Variants in SKAP1 observed in about 807,000 individuals in gnomAD.
SKAP1 encodes src kinase associated phosphoprotein 1, also known as src kinase-associated phosphoprotein 1.
A neutral mutation model predicts 58.5 loss-of-function variants in SKAP1; 44 were observed. The observed-to-expected ratio is 0.75, with a 90% CI of 0.59 to 0.97. The LOEUF (loss-of-function observed/expected upper bound fraction) is 0.97, where lower values mean the gene tolerates loss of function less well. SKAP1 is among the 50% of genes least tolerant of loss of function. The pLI is 0.00. For synonymous variants in SKAP1, 127 were observed against 149.7 expected (o/e 0.85, Z 1.11); for missense variants, 390 against 435.2 (o/e 0.90, Z 0.92).
the SKAP1 span, among the ~76,000 whole-genome samples, chr17:48,437,982 G>A: frequency 6.6e-6 from 1 of 151,910 alleles, no homozygotes; most frequent in Non-Finnish European, 1.5e-5. Context: ...TGTTGAAATG[G>A]CTTCTAACCC....
intron 4 of SKAP1, among the ~76,000 whole-genome samples, chr17:48,225,082 C>A (rs2065052002): frequency 6.6e-6 from 1 of 152,148 alleles, no homozygotes; most frequent in Non-Finnish European, 1.5e-5. Context: ...CTGGTTCATT[C>A]ATGGTAAAGT....
chr17:48,381,503 C>T (rs1017550094), intron 2 of SKAP1, among the ~76,000 whole-genome samples: 6 of 152,168 alleles, frequency 3.9e-5, no homozygotes, highest in Non-Finnish European at 4.4e-5. Flanking sequence ...TTCTCAAGCC[C>T]ACCAGAAGGG....
intron 4 of SKAP1, among the ~76,000 whole-genome samples, chr17:48,258,546 G>T (rs767330212): frequency 2.0e-5 from 3 of 152,056 alleles, no homozygotes; most frequent in African/African-American, 7.2e-5. Context: ...TACTGGTGCC[G>T]TTAAGGAAAC....
At chr17:48,368,200 C>G (rs1385289170) in intron 2 of SKAP1, among the ~76,000 whole-genome samples, 2 of 152,276 alleles carry the variant, frequency 1.3e-5, no homozygotes, top group East Asian at 3.9e-4. Context: ...ACAGATTAGT[C>G]CCTGCTGGAC....
At chr17:48,266,318 G>A (rs1213265089) in intron 4 of SKAP1, among the ~76,000 whole-genome samples, 1 of 152,134 alleles carries the variant, frequency 6.6e-6, no homozygotes, top group Non-Finnish European at 1.5e-5. Context: ...TCAGAAAGGA[G>A]CTCCTTTATT....
intron 4 of SKAP1, among the ~76,000 whole-genome samples, chr17:48,328,268 T>G (rs1256888809): frequency 6.6e-6 from 1 of 152,226 alleles, no homozygotes; most frequent in African/African-American, 2.4e-5. Flanking sequence ...GTGTACAAAT[T>G]CGTGACAGCA....
At chr17:48,175,450 C>T (rs1567806270) in intron 9 of SKAP1, among the ~76,000 whole-genome samples, 2 of 152,200 alleles carry the variant, frequency 1.3e-5, no homozygotes, top group African/African-American at 4.8e-5. Flanking sequence ...TATAGCACCT[C>T]ATCAGACAAC....
chr17:48,355,564 C>T (rs1206571095), intron 3 of SKAP1, among the ~76,000 whole-genome samples: 2 of 152,316 alleles, frequency 1.3e-5, no homozygotes, highest in Admixed American at 6.5e-5. Flanking sequence ...AGATGTGACC[C>T]ACCATGACTG....
chr17:48,429,962 G>T, intron 1 of SKAP1, 113 bp downstream of exon 1: 3 of 914,174 alleles, frequency 3.3e-6, no homozygotes, highest in Non-Finnish European at 2.9e-6. Context: ...AAGCCTTAAG[G>T]TTCTAGAAGG....
chr17:48,346,252 G>C (rs1173730061), intron 3 of SKAP1, among the ~76,000 whole-genome samples: 2 of 152,282 alleles, frequency 1.3e-5, no homozygotes, highest in African/African-American at 4.8e-5. Flanking sequence ...CTTAGGAACT[G>C]TTAGCTTATA....
intron 2 of SKAP1, among the ~76,000 whole-genome samples, chr17:48,366,848 GT>G (rs2067009707): frequency 6.6e-6 from 1 of 152,058 alleles, no homozygotes; most frequent in South Asian, 2.1e-4. Context: ...ATACATGTAT[GT>G]GCACATGTGT....
At chr17:48,433,251 A>G (rs2067927791), upstream of SKAP1, among the ~76,000 whole-genome samples, 1 of 152,196 alleles carries the variant, frequency 6.6e-6, no homozygotes. Flanking sequence ...TGGAAACCAC[A>G]TGGAGGAGTC....
intron 3 of SKAP1, among the ~76,000 whole-genome samples, chr17:48,350,105 C>T (rs577497532): frequency 1.3e-5 from 2 of 151,996 alleles, no homozygotes; most frequent in Admixed American, 6.6e-5. Flanking sequence ...ACAGCAAATC[C>T]GTTTAGTCCT....
At chr17:48,307,552 C>T (rs2066162735) in intron 4 of SKAP1, 1 of 152,200 alleles carries the variant, frequency 6.6e-6, no homozygotes, top group African/African-American at 2.4e-5. Flanking sequence ...TACATCAAGC[C>T]ATGCATATAA....
At position 48,345,398 on chromosome 17, in the gene SKAP1, C is replaced by G. The variant is rs189392418; in HGVS notation, c.280+507G>C. ...TTCACACTGTGGTTCTTGTGGCTTTCCCTTCCCCTTGAGCAATACCAATAT... is the reference window on the plus strand; with the variant it reads ...TTCACACTGTGGTTCTTGTGGCTTTGCCTTCCCCTTGAGCAATACCAATAT... On this transcript the variant is annotated intron_variant, in intron 4 of 12. Coordinates refer to ENST00000336915, the MANE Select transcript of SKAP1 (RefSeq NM_003726.4). 3.9e-3 allele frequency among the ~76,000 whole-genome samples: 596 copies of G among 152,278 alleles called. 4 individuals are homozygous for G. Among genetic ancestry groups the G allele is most frequent in the African/African-American group, 0.014 (563 of 41,560 alleles).
At chr17:48,345,403 C>T (rs2066710445) in intron 4 of SKAP1, among the ~76,000 whole-genome samples, 1 of 152,132 alleles carries the variant, frequency 6.6e-6, no homozygotes, top group Non-Finnish European at 1.5e-5. Context: ...GCTTTCCCTT[C>T]CCCTTGAGCA....
intron 11 of SKAP1, among the ~76,000 whole-genome samples, chr17:48,138,084 CAAGA>C (rs893371987): frequency 2.0e-5 from 3 of 152,020 alleles, no homozygotes; most frequent in Admixed American, 2.0e-4. Flanking sequence ...GAGGAACAAA[CAAGA>C]AAGAGGATGA....
chr17:48,319,136 C>A (rs889790712), intron 4 of SKAP1, among the ~76,000 whole-genome samples: 1 of 152,094 alleles, frequency 6.6e-6, no homozygotes, highest in Admixed American at 6.5e-5. Flanking sequence ...GAGTATGAAA[C>A]TGGAGCTGGA....
chr17:48,237,572 T>C (rs2065195054), intron 4 of SKAP1, among the ~76,000 whole-genome samples: 1 of 152,192 alleles, frequency 6.6e-6, no homozygotes, highest in African/African-American at 2.4e-5. Context: ...ATTACAAAAT[T>C]TGCATTCTAG....
Sources: allele counts gnomAD v4.1 joint callset (sites outside exome capture counted in the v4.1 genomes callset), GRCh38; gene constraint gnomAD v4.1.1; transcripts MANE v1.5; gene names NCBI Gene and HGNC (gene_info 2026-07-23, HGNC 2026-07-21).